WIPF3: variants seen among roughly 807,000 people sequenced by gnomAD.
The protein encoded by WIPF3 is WAS/WASL-interacting protein family member 3.
In WIPF3, 33 loss-of-function variants were observed where a neutral mutation model predicts 38.9. That is an observed-to-expected ratio of 0.85 (90% CI 0.64 to 1.14). WIPF3 has a LOEUF of 1.14. WIPF3 is among the 50% of genes most tolerant of loss of function. The probability of loss-of-function intolerance (pLI) is 0.00; values close to 1 mark genes in which losing one functional copy is unlikely to be tolerated. For synonymous variants in WIPF3, 324 were observed against 269.3 expected (o/e 1.20, Z -1.99); for missense variants, 711 against 652.5 (o/e 1.09, Z -0.98).
chr7:29,877,505 A>AT (rs1785624824), intron 3 of WIPF3, among the ~76,000 whole-genome samples: 2 of 152,190 alleles, frequency 1.3e-5, no homozygotes, highest in East Asian at 1.9e-4. Context: ...TGAACACATT[A>AT]TTTTTTTGCT....
At chr7:29,835,686 A>G (rs1784788622) in intron 2 of WIPF3, among the ~76,000 whole-genome samples, 1 of 151,982 alleles carries the variant, frequency 6.6e-6, no homozygotes, top group Non-Finnish European at 1.5e-5. Context: ...CACTTCTCAC[A>G]CTCATTTTCC....
chr7:29,825,229 G>C (rs7784836), intron 1 of WIPF3, among the ~76,000 whole-genome samples: 83,982 of 151,940 alleles, frequency 0.55, 23,380 homozygotes, highest in Middle Eastern at 0.65. Flanking sequence ...GCTAATGCAT[G>C]CTGGGCTTAA....
At position 29,854,537 on chromosome 7, in the gene WIPF3, G is replaced by T. The variant is rs573097604; in HGVS notation, c.90+19723G>T. ...TGAAAATGCATCAGGGCCAAATTGA[G>T]GAGTCCTGTTTAACAGATGACGAAT... is the stretch of plus-strand genomic sequence containing the variant. On this transcript the variant is annotated intron_variant, in intron 2 of 8. Coordinates refer to ENST00000242140, the MANE Select transcript of WIPF3 (RefSeq NM_001080529.3). 7.9e-5 allele frequency among the ~76,000 whole-genome samples: 12 copies of T among 152,252 alleles called. No homozygotes were observed. In the South Asian group the frequency reaches 2.3e-3, roughly 29 times the overall value.
intron 8 of WIPF3, among the ~76,000 whole-genome samples, chr7:29,908,593 TTAAG>T (rs1786444585): frequency 6.6e-6 from 1 of 152,172 alleles, no homozygotes; most frequent in Non-Finnish European, 1.5e-5. Flanking sequence ...AGGCCACAAA[TTAAG>T]TGTCTTAAAT....
chr7:29,861,705 G>T (rs2128070704), intron 2 of WIPF3, among the ~76,000 whole-genome samples: 1 of 152,334 alleles, frequency 6.6e-6, no homozygotes, highest in South Asian at 2.1e-4. Context: ...AACAAGTACG[G>T]ATTGAATGGC....
At chr7:29,868,569 A>G (rs1369166057) in intron 2 of WIPF3, among the ~76,000 whole-genome samples, 1 of 151,866 alleles carries the variant, frequency 6.6e-6, no homozygotes, top group African/African-American at 2.4e-5. Context: ...AAATATATGT[A>G]CATATATGTG....
chr7:29,855,144 G>A (rs906822353), intron 2 of WIPF3, among the ~76,000 whole-genome samples: 1 of 152,202 alleles, frequency 6.6e-6, no homozygotes, highest in African/African-American at 2.4e-5. Flanking sequence ...CTGAGGAAAG[G>A]CTTTTAGGGG....
At chr7:29,819,659 T>A (rs2128062502) in intron 1 of WIPF3, among the ~76,000 whole-genome samples, 1 of 152,204 alleles carries the variant, frequency 6.6e-6, no homozygotes, top group Admixed American at 6.5e-5. Context: ...AGCTATGATT[T>A]TTGCTCTGAA....
chr7:29,872,278 GTTTT>G (rs1785509094), intron 2 of WIPF3, among the ~76,000 whole-genome samples: 1 of 152,178 alleles, frequency 6.6e-6, no homozygotes, highest in Non-Finnish European at 1.5e-5. Context: ...GTGGCAGGAG[GTTTT>G]TTAAGACAGC....
chr7:29,861,743 G>A (rs902814525), intron 2 of WIPF3, among the ~76,000 whole-genome samples: 1 of 152,138 alleles, frequency 6.6e-6, no homozygotes, highest in Non-Finnish European at 1.5e-5. Flanking sequence ...GGGCTTATGT[G>A]GTGAAAAATG....
rs1028330605 is a variant in WIPF3, at chr7:29,914,791, C to T, written c.*275C>T. On this transcript the variant is annotated 3_prime_UTR_variant, in exon 9 of 9. Coordinates refer to ENST00000242140, the MANE Select transcript of WIPF3 (RefSeq NM_001080529.3). ...TAGAGCCCTGTCCCTCCACCTAGTG[C>T]CCACTCCATGACTGTGAATCTGCTT... 5 of 258,222 alleles carry T rather than the reference C, an allele frequency of 1.9e-5. No individual in the cohort carries two copies. The highest frequency in any genetic ancestry group is 3.7e-5 in the Non-Finnish European group (5 of 136,760). The allele number at this position is 258,222 out of a possible 1,614,324, so 16.0% of individuals were successfully genotyped here. A position where few individuals can be genotyped will look rare whatever the true frequency, so the allele number is the denominator to read the frequency against.
chr7:29,873,774 G>A (rs1350645402), intron 2 of WIPF3, among the ~76,000 whole-genome samples: 1 of 152,158 alleles, frequency 6.6e-6, no homozygotes, highest in Non-Finnish European at 1.5e-5. Context: ...AGACTTTGAA[G>A]CCTATGCCCT....
At chr7:29,846,031 ATAAAAT>A (rs1455902875) in intron 2 of WIPF3, among the ~76,000 whole-genome samples, 1 of 152,274 alleles carries the variant, frequency 6.6e-6, no homozygotes, top group Non-Finnish European at 1.5e-5. Context: ...TAAAGAAGAA[ATAAAAT>A]TAAAAAAGAA....
intron 7 of WIPF3, among the ~76,000 whole-genome samples, chr7:29,895,824 G>GC (rs1786131871): frequency 6.6e-6 from 1 of 152,174 alleles, no homozygotes; most frequent in South Asian, 2.1e-4. Context: ...TAAGGGATCT[G>GC]CCCCCATGAC....
chr7:29,825,581 T>TA (rs1784603788), intron 1 of WIPF3, among the ~76,000 whole-genome samples: 2 of 152,216 alleles, frequency 1.3e-5, no homozygotes, highest in Non-Finnish European at 2.9e-5. Flanking sequence ...GAACCACACA[T>TA]ATAACAATTT....
intron 4 of WIPF3, among the ~76,000 whole-genome samples, chr7:29,881,441 C>T (rs1349832454): frequency 1.3e-5 from 2 of 152,206 alleles, no homozygotes; most frequent in African/African-American, 4.8e-5. Flanking sequence ...AGCACAGTGT[C>T]ATGGGCTCAT....
In WIPF3 at chr7:29,889,355, T is replaced by G. The variant is rs1785958762; in HGVS notation, c.1299T>G (p.Pro433=). 1 of 1,613,828 alleles carries G rather than the reference T, an allele frequency of 6.2e-7. No homozygotes were observed. Among genetic ancestry groups the G allele is most frequent in the South Asian group, 1.1e-5 (1 of 91,076 alleles). ...TCCATTCTGTGGAAGACTTTCCCCC[T>G]CCGGATGAATATAAACCATGCCAGA... ...FTFHSVEDFP[P]PDEYKPCQKI... The change falls in exon 7 of 9, where the codon CCT becomes CCG. Residue 433 remains proline, a synonymous_variant. Transcript: ENST00000242140.
At chr7:29,869,590 T>C (rs960907098) in intron 2 of WIPF3, among the ~76,000 whole-genome samples, 4 of 152,232 alleles carry the variant, frequency 2.6e-5, no homozygotes, top group Admixed American at 6.5e-5. Context: ...TATGGGGTAG[T>C]TGAGTCTCTA....
chr7:29,904,116 C>T (rs1786343266), intron 7 of WIPF3, among the ~76,000 whole-genome samples, 170 bp from the exon 8 acceptor site: 1 of 152,190 alleles, frequency 6.6e-6, no homozygotes, highest in Admixed American at 6.5e-5. Flanking sequence ...GACTCTTCTG[C>T]ATCCATGGTC....
Sources: allele counts gnomAD v4.1 joint callset (sites outside exome capture counted in the v4.1 genomes callset), GRCh38; gene constraint gnomAD v4.1.1; transcripts MANE v1.5; gene names NCBI Gene and HGNC (gene_info 2026-07-23, HGNC 2026-07-21).